The following ITFG1 variants were observed in gnomAD, a reference collection of about 807,000 sequenced individuals.
ITFG1 encodes the protein T-cell immunomodulatory protein.
In ITFG1, 34 loss-of-function variants were observed where a neutral mutation model predicts 81.8. The ratio of observed to expected loss-of-function variants is 0.42; its 90% confidence interval spans 0.32 to 0.55. The LOEUF (loss-of-function observed/expected upper bound fraction) is 0.55. Among genes scored for constraint, ITFG1 ranks in the 20% least tolerant of loss-of-function variants. The pLI is 0.17. For missense variants in ITFG1, 672 were observed against 755.4 expected, an observed-to-expected ratio of 0.89 and a Z score of 1.29; for synonymous variants, 285 against 270.6, an observed-to-expected ratio of 1.05 and a Z score of -0.52.
At chr16:47,389,239 GA>G (rs1968501159) in intron 6 of ITFG1, among the ~76,000 whole-genome samples, 1 of 151,838 alleles carries the variant, frequency 6.6e-6, no homozygotes, top group East Asian at 1.9e-4. Flanking sequence ...AAATCCATAG[GA>G]AAAAATGGTG....
chr16:47,278,342 T>A (rs1310752068), intron 10 of ITFG1, among the ~76,000 whole-genome samples: 1 of 151,970 alleles, frequency 6.6e-6, no homozygotes, highest in African/African-American at 2.4e-5. Flanking sequence ...CTCAGAATGG[T>A]GGTGATTTGA....
Position 47,428,862 on chromosome 16 carries a change from A to G in ITFG1, c.597T>C (p.Ser199=), listed in dbSNP as rs1567497225. 1 of 1,610,088 alleles carries G rather than the reference A, an allele frequency of 6.2e-7. No homozygotes were observed. Among genetic ancestry groups the G allele is most frequent in the East Asian group, 2.2e-5 (1 of 44,716 alleles). Residue 199 remains serine (S), a synonymous_variant, in exon 6 of 18, where the codon AGT becomes AGC. Transcript: ENST00000320640. ...LSWHPALTTT[S]KMRIPHSHAF... ...CATGAGAATGTGGAATTCGCATTTT[A>G]CTTGTAGTGGTCAATGCTGGATGCC...
chr16:47,368,769 T>C (rs1335675459), intron 7 of ITFG1, among the ~76,000 whole-genome samples: 2 of 152,132 alleles, frequency 1.3e-5, no homozygotes, highest in Non-Finnish European at 2.9e-5. Context: ...TAGAAATATA[T>C]AGATATAACC....
At chr16:47,313,965 T>C (rs537311757) in intron 8 of ITFG1, 142 bp from the exon 9 acceptor site, 2 of 509,390 alleles carry the variant, frequency 3.9e-6, no homozygotes, top group East Asian at 6.7e-5. Flanking sequence ...AAAATGAATA[T>C]GATTTTATTT....
chr16:47,358,346 A>G (rs1968067424), intron 8 of ITFG1, among the ~76,000 whole-genome samples: 1 of 152,258 alleles, frequency 6.6e-6, no homozygotes, highest in South Asian at 2.1e-4. Flanking sequence ...TGAAAAAACA[A>G]AAGGATATTA....
chr16:47,460,011 C>T (rs1423433723), intron 1 of ITFG1, among the ~76,000 whole-genome samples: 1 of 152,198 alleles, frequency 6.6e-6, no homozygotes, highest in Non-Finnish European at 1.5e-5. Flanking sequence ...TGTAGGTACT[C>T]AAGAACCCTA....
At chr16:47,218,978 G>T in intron 13 of ITFG1, 32 bp from the exon 14 acceptor site, 1 of 1,445,012 alleles carries the variant, frequency 6.9e-7, no homozygotes. Context: ...GTTAAGGCTT[G>T]GAAAATAAGT....
At chr16:47,290,569 TTGTC>T (rs1208703502) in intron 10 of ITFG1, among the ~76,000 whole-genome samples, 3 of 152,178 alleles carry the variant, frequency 2.0e-5, no homozygotes, top group African/African-American at 7.2e-5. Flanking sequence ...AATAATTACT[TTGTC>T]TGTTTTTAGA....
chr16:47,453,902 C>A, intron 3 of ITFG1, 111 bp downstream of exon 3: 1 of 713,650 alleles, frequency 1.4e-6, no homozygotes, highest in Non-Finnish European at 2.3e-6. Flanking sequence ...AAAGGTTTTA[C>A]AATTATTGAC....
intron 14 of ITFG1, among the ~76,000 whole-genome samples, chr16:47,200,226 G>GC (rs1596803851): frequency 6.6e-6 from 1 of 152,234 alleles, no homozygotes; most frequent in East Asian, 1.9e-4. Flanking sequence ...GCTTAACAAT[G>GC]CATTTTGCAA....
chr16:47,221,147 G>A (rs926762619), intron 13 of ITFG1, among the ~76,000 whole-genome samples: 1 of 152,080 alleles, frequency 6.6e-6, no homozygotes, highest in South Asian at 2.1e-4. Flanking sequence ...TGACCTTTTC[G>A]GAAGCTCCCT....
chr16:47,287,145 C>G (rs904194926), intron 10 of ITFG1, among the ~76,000 whole-genome samples: 2 of 152,070 alleles, frequency 1.3e-5, no homozygotes, highest in Non-Finnish European at 2.9e-5. Flanking sequence ...CAACTAGACC[C>G]GAAGACCATT....
intron 5 of ITFG1, among the ~76,000 whole-genome samples, chr16:47,434,967 C>G (rs941604422): frequency 6.6e-6 from 1 of 152,096 alleles, no homozygotes; most frequent in African/African-American, 2.4e-5. Flanking sequence ...TAAGTCGGAG[C>G]TGAATGATGA....
intron 10 of ITFG1, among the ~76,000 whole-genome samples, chr16:47,294,623 T>C (rs1966955865): frequency 6.6e-6 from 1 of 152,302 alleles, no homozygotes; most frequent in Non-Finnish European, 1.5e-5. Context: ...TTGTAGTCAG[T>C]GTAAATGAAA....
chr16:47,249,017 T>C (rs956070337), intron 12 of ITFG1, among the ~76,000 whole-genome samples: 3 of 152,354 alleles, frequency 2.0e-5, no homozygotes, highest in Admixed American at 2.0e-4. Context: ...CTGTGTTGCT[T>C]AGTTCAAGTG....
chr16:47,242,525 A>C (rs1965946638), intron 12 of ITFG1, among the ~76,000 whole-genome samples: 1 of 152,164 alleles, frequency 6.6e-6, no homozygotes, highest in African/African-American at 2.4e-5. Flanking sequence ...ATAAGAAAGG[A>C]CAAGGACTAT....
Position 47,459,235 on chromosome 16 carries a change from G to A in ITFG1, c.209-60C>T. 2.6e-6 allele frequency: 3 copies of A among 1,133,620 alleles called. No homozygotes were observed. In the South Asian group the frequency reaches 3.7e-5, roughly 14 times the overall value. 70.2% of individuals were successfully genotyped at this position (1,133,620 alleles called of 1,614,324 possible). A position where few individuals can be genotyped will look rare whatever the true frequency, so the allele number is the denominator to read the frequency against. On this transcript the variant is annotated intron_variant, in intron 1 of 17. Coordinates refer to ENST00000320640, the MANE Select transcript of ITFG1 (RefSeq NM_030790.5). ...TTTGTTGATAAGATATCTAATCAGT[G>A]GTTACAAGAAGGTTTCTGGGCACTG...
intron 6 of ITFG1, among the ~76,000 whole-genome samples, chr16:47,397,074 T>C (rs1968603091): frequency 6.6e-6 from 1 of 152,168 alleles, no homozygotes; most frequent in Non-Finnish European, 1.5e-5. Context: ...AGAAACCTCA[T>C]AGGAGGAGAT....
chr16:47,172,843 A>C (rs528606290), intron 14 of ITFG1, among the ~76,000 whole-genome samples: 4 of 152,238 alleles, frequency 2.6e-5, no homozygotes, highest in South Asian at 2.1e-4. Flanking sequence ...CATTGCTTTA[A>C]CTGTTGTTCC....
Sources: gnomAD v4.1 joint callset for allele counts (sites outside exome capture counted in the v4.1 genomes callset) on GRCh38, gnomAD v4.1.1 for gene constraint, MANE v1.5 for transcripts, NCBI Gene and HGNC (gene_info 2026-07-23, HGNC 2026-07-21) for gene names.